KCNMA1: variants seen among roughly 807,000 people sequenced by gnomAD.
KCNMA1 encodes potassium calcium-activated channel subfamily M alpha 1.
Under a neutral mutation model 140.0 loss-of-function variants are expected in KCNMA1, and 29 were observed. That is an observed-to-expected ratio of 0.21 (90% CI 0.15 to 0.28). KCNMA1 has a LOEUF of 0.28. Among genes scored for constraint, KCNMA1 ranks in the 10% least tolerant of loss-of-function variants. The pLI is 1.00. For synonymous variants in KCNMA1, 612 were observed against 611.9 expected, an observed-to-expected ratio of 1.00 and a Z score of 0.00; for missense variants, 880 against 1,602.2, an observed-to-expected ratio of 0.55 and a Z score of 7.70.
intron 15 of KCNMA1, among the ~76,000 whole-genome samples, chr10:77,033,111 G>T (rs1363756347): frequency 1.3e-5 from 2 of 152,108 alleles, no homozygotes; most frequent in African/African-American, 2.4e-5. Context: ...GGGAATGTCA[G>T]GTTGGCACAT....
intron 5 of KCNMA1, among the ~76,000 whole-genome samples, chr10:77,179,366 C>A (rs1316299948): frequency 6.6e-6 from 1 of 152,114 alleles, no homozygotes; most frequent in South Asian, 2.1e-4. Flanking sequence ...GGTCGGATCT[C>A]CAAGCTGCTG....
chr10:76,942,203 C>A (rs903110690), intron 23 of KCNMA1, among the ~76,000 whole-genome samples: 1 of 152,166 alleles, frequency 6.6e-6, no homozygotes, highest in African/African-American at 2.4e-5. Context: ...AAACTCCTGA[C>A]CTCAGGTGAT....
Position 77,033,323 on chromosome 10 carries a change from A to G in KCNMA1, c.1860-5432T>C, listed in dbSNP as rs150645042. ...ACCAAGAAAAGAGAAGTGATTTAAA[A>G]TGTTCATGGAAATGTTAAGACTCTT... On this transcript the variant is annotated intron_variant, in intron 15 of 27. Transcript: ENST00000286628. Among the ~76,000 whole-genome samples the G allele has an allele frequency of 2.2e-3, 333 of 152,310 alleles. 3 individuals carry two copies. Among genetic ancestry groups the G allele is most frequent in the African/African-American group, 7.2e-3 (300 of 41,578 alleles).
At chr10:77,054,654 A>T (rs1318097958) in intron 14 of KCNMA1, among the ~76,000 whole-genome samples, 1 of 152,250 alleles carries the variant, frequency 6.6e-6, no homozygotes, top group Non-Finnish European at 1.5e-5. Context: ...TTCTCCGAAC[A>T]TGAAACCCTA....
At chr10:77,613,826 G>A (rs1313060165) in intron 1 of KCNMA1, among the ~76,000 whole-genome samples, 2 of 152,160 alleles carry the variant, frequency 1.3e-5, no homozygotes, top group Admixed American at 6.5e-5. Context: ...AGATGGATGG[G>A]GTAGAGAAGA....
intron 20 of KCNMA1, among the ~76,000 whole-genome samples, chr10:76,958,549 T>C (rs1286814626): frequency 6.6e-6 from 1 of 152,190 alleles, no homozygotes; most frequent in African/African-American, 2.4e-5. Flanking sequence ...GTGACTGTAT[T>C]TTGAAATATG....
intron 2 of KCNMA1, among the ~76,000 whole-genome samples, chr10:77,356,887 C>G (rs1455611593): frequency 6.6e-6 from 1 of 152,156 alleles, no homozygotes; most frequent in Non-Finnish European, 1.5e-5. Context: ...ACATGCCAAC[C>G]AACCTGATCC....
intron 3 of KCNMA1, among the ~76,000 whole-genome samples, chr10:77,235,966 GTGT>G (rs2055295852): frequency 6.6e-6 from 1 of 152,150 alleles, no homozygotes; most frequent in Non-Finnish European, 1.5e-5. Context: ...GATAGTAACA[GTGT>G]TATTTTGGGT....
intron 1 of KCNMA1, among the ~76,000 whole-genome samples, chr10:77,428,263 G>A (rs1021757831): frequency 2.6e-5 from 4 of 152,186 alleles, no homozygotes; most frequent in African/African-American, 9.7e-5. Flanking sequence ...CAGAGCTGGG[G>A]TGACAGAGCC....
intron 23 of KCNMA1, among the ~76,000 whole-genome samples, chr10:76,919,943 A>C (rs2054631886): frequency 6.7e-6 from 1 of 148,168 alleles, no homozygotes; most frequent in Admixed American, 6.8e-5. Context: ...TTTTTCACAC[A>C]CAGAAAATCC....
intron 5 of KCNMA1, among the ~76,000 whole-genome samples, chr10:77,177,655 T>C (rs2098764566): frequency 1.3e-5 from 2 of 152,036 alleles, no homozygotes; most frequent in Non-Finnish European, 2.9e-5. Context: ...GTACACACCA[T>C]GCTCCACACA....
chr10:77,590,236 C>A (rs926758161), intron 1 of KCNMA1, among the ~76,000 whole-genome samples: 1 of 152,264 alleles, frequency 6.6e-6, no homozygotes, highest in East Asian at 1.9e-4. Context: ...GATCCCGCAC[C>A]GGGGCCGCAG....
chr10:77,521,552 G>C (rs929589333), intron 1 of KCNMA1, among the ~76,000 whole-genome samples: 2 of 152,236 alleles, frequency 1.3e-5, no homozygotes, highest in Non-Finnish European at 2.9e-5. Context: ...GTAAACCATG[G>C]ATAACAGAGA....
chr10:77,333,523 G>T (rs1393720369), intron 2 of KCNMA1, among the ~76,000 whole-genome samples: 2 of 152,100 alleles, frequency 1.3e-5, no homozygotes, highest in Non-Finnish European at 2.9e-5. Flanking sequence ...TAAACGAGTC[G>T]CATGCTTATA....
chr10:77,180,454 C>G (rs1267373331), intron 5 of KCNMA1, among the ~76,000 whole-genome samples: 1 of 152,176 alleles, frequency 6.6e-6, no homozygotes, highest in Non-Finnish European at 1.5e-5. Flanking sequence ...ACCAAAGAAC[C>G]TAAAGCATTT....
chr10:77,335,488 A>T (rs1333328612), intron 2 of KCNMA1, among the ~76,000 whole-genome samples: 1 of 152,214 alleles, frequency 6.6e-6, no homozygotes, highest in Non-Finnish European at 1.5e-5. Context: ...AAAAGTAAAG[A>T]TGCCACAAGT....
At chr10:77,551,134 C>A (rs1216923951) in intron 1 of KCNMA1, among the ~76,000 whole-genome samples, 1 of 152,116 alleles carries the variant, frequency 6.6e-6, no homozygotes, top group Non-Finnish European at 1.5e-5. Flanking sequence ...ACCCAGCTAC[C>A]ACTATTTTTA....
intron 3 of KCNMA1, among the ~76,000 whole-genome samples, chr10:77,210,688 T>C (rs2045774758): frequency 6.6e-6 from 1 of 152,178 alleles, no homozygotes; most frequent in South Asian, 2.1e-4. Context: ...TAAAAGGCTG[T>C]TATAACTGAT....
At chr10:76,884,128 G>A (rs11001918), downstream of KCNMA1, 81,328 of 240,402 alleles carry the variant, frequency 0.34, 14,975 homozygotes, top group Non-Finnish European at 0.4. Flanking sequence ...AACGCACTTC[G>A]GATTTACTTC....
Sources: allele counts gnomAD v4.1 joint callset (sites outside exome capture counted in the v4.1 genomes callset), GRCh38; gene constraint gnomAD v4.1.1; transcripts MANE v1.5; gene names NCBI Gene and HGNC (gene_info 2026-07-23, HGNC 2026-07-21).